DNAH5: variants seen among roughly 807,000 people sequenced by gnomAD.
DNAH5 encodes axonemal beta dynein heavy chain 5.
Under a neutral mutation model 518.2 loss-of-function variants are expected in DNAH5, and 372 were observed. The observed-to-expected ratio is 0.72, with a 90% CI of 0.66 to 0.78. The LOEUF (loss-of-function observed/expected upper bound fraction) is 0.78. Ranked by LOEUF, DNAH5 falls within the 30% of genes least tolerant of loss-of-function variation. The pLI is 0.00. For missense variants in DNAH5, 5,523 were observed against 5,687.0 expected (o/e 0.97, Z 0.93); for synonymous variants, 2,039 against 2,025.9 (o/e 1.01, Z -0.17).
At chr5:13,855,179 CAT>C (rs916309874) in intron 30 of DNAH5, among the ~76,000 whole-genome samples, 3 of 151,548 alleles carry the variant, frequency 2.0e-5, no homozygotes, top group African/African-American at 7.3e-5. Flanking sequence ...AACCACTCCA[CAT>C]AGATTTTCAT....
At chr5:13,909,369 C>CCT (rs1016418570) in intron 12 of DNAH5, among the ~76,000 whole-genome samples, 2 of 150,882 alleles carry the variant, frequency 1.3e-5, no homozygotes, top group Admixed American at 6.6e-5. Flanking sequence ...GAATGTGGCC[C>CCT]CTCTCTCTCT....
rs1743041954 is a variant in DNAH5, at chr5:13,708,190, A to T, written c.13271T>A (p.Met4424Lys). 6.2e-7 allele frequency: 1 copy of T among 1,614,202 alleles called. No homozygotes were observed. Among genetic ancestry groups the T allele is most frequent in the East Asian group, 2.2e-5 (1 of 44,882 alleles). The change falls in exon 76 of 79, where the codon ATG (methionine) becomes AAG (lysine). Residue 4424 changes from methionine (M) to lysine (K), a missense_variant. By Grantham distance (95) the Met-to-Lys change is moderately conservative. This residue lies in a region of DNAH5 where 387 missense variants were observed against 430.0 expected (regional missense o/e 0.90). Transcript: ENST00000265104. Reference sequence around the variant, plus strand: ...CAATGCATCTCGCAGATTTTCGCTCATGATGATGGTGCCATCAATAGCAAG... The same window carrying T: ...CAATGCATCTCGCAGATTTTCGCTCTTGATGATGGTGCCATCAATAGCAAG... ...LKLAIDGTII[M>K]SENLRDALDC...
chr5:13,929,962 C>G (rs1778253464), intron 2 of DNAH5, among the ~76,000 whole-genome samples: 1 of 152,148 alleles, frequency 6.6e-6, no homozygotes, highest in African/African-American at 2.4e-5. Context: ...TATTATCTAC[C>G]TCCTGGTATT....
At chr5:13,792,899 C>T (rs187925722) in intron 49 of DNAH5, among the ~76,000 whole-genome samples, 8 of 152,306 alleles carry the variant, frequency 5.3e-5, no homozygotes, top group Non-Finnish European at 1.0e-4. Context: ...TAAATGTGTT[C>T]AAACCTTTAT....
intron 24 of DNAH5, among the ~76,000 whole-genome samples, chr5:13,869,830 TA>T (rs774257760): frequency 6.6e-6 from 1 of 150,684 alleles, no homozygotes; most frequent in Non-Finnish European, 1.5e-5. Context: ...TTGTTTGTTT[TA>T]AAAAAAAGGC....
chr5:13,999,801 T>C (rs1242352236), intron 1 of DNAH5, among the ~76,000 whole-genome samples: 2 of 152,232 alleles, frequency 1.3e-5, no homozygotes, highest in African/African-American at 4.8e-5. Flanking sequence ...GCATTCTGCA[T>C]TTCTACCAAC....
chr5:13,914,007 A>T, intron 10 of DNAH5, 49 bp from the exon 11 acceptor site: 1 of 1,593,614 alleles, frequency 6.3e-7, no homozygotes, highest in South Asian at 1.1e-5. Flanking sequence ...GAAAGGTATC[A>T]ACTTTATTTT....
chr5:13,810,768 A>AG (rs1491426626), intron 44 of DNAH5, among the ~76,000 whole-genome samples: 1 of 126,828 alleles, frequency 7.9e-6, no homozygotes, highest in African/African-American at 3.1e-5. Flanking sequence ...AACAAAACAA[A>AG]CAAACAAAAA....
chr5:13,723,448 C>A (rs2126542377), intron 70 of DNAH5, among the ~76,000 whole-genome samples: 1 of 152,326 alleles, frequency 6.6e-6, no homozygotes, highest in East Asian at 1.9e-4. Flanking sequence ...CCCAAGATAG[C>A]AAGGGGCTCA....
rs115473896 is a variant in DNAH5, at chr5:13,763,017, C to T, written c.10102-116G>A. The T allele has an allele frequency of 5.7e-3, 4,975 of 867,934 alleles. 50 individuals carry two copies. Among genetic ancestry groups the T allele is most frequent in the South Asian group, 0.023 (1,616 of 70,234 alleles). The allele number at this position is 867,934 out of a possible 1,614,324, so 53.8% of individuals were successfully genotyped here. On this transcript the variant is annotated intron_variant, in intron 59 of 78. Coordinates refer to ENST00000265104, the MANE Select transcript of DNAH5 (RefSeq NM_001369.3). The stretch of plus-strand genomic sequence containing the variant: ...ACGACCACAAATGAATGAAGGGCAT[C>T]ATATTTTGTCACTATTTTAAGATAT...
intron 52 of DNAH5, among the ~76,000 whole-genome samples, chr5:13,785,846 T>C (rs1401099593): frequency 6.6e-6 from 1 of 152,214 alleles, no homozygotes; most frequent in Non-Finnish European, 1.5e-5. Flanking sequence ...GGATATTCTT[T>C]GCATGATACA....
intron 61 of DNAH5, among the ~76,000 whole-genome samples, chr5:13,756,350 A>T (rs1750999176): frequency 6.8e-6 from 1 of 147,642 alleles, no homozygotes; most frequent in Non-Finnish European, 1.5e-5. Flanking sequence ...ATTTTTTTTT[A>T]ATACGGAATT....
chr5:13,841,742 G>C lies in DNAH5; in HGVS notation c.5434C>G (p.Gln1812Glu). ...TCAGTTAGTTGGAAACCTGTTTCTTGAATATTTGCGGCTGCCTGGCGAATC... is the reference window on the plus strand; with the variant it reads ...TCAGTTAGTTGGAAACCTGTTTCTTCAATATTTGCGGCTGCCTGGCGAATC... ...LVIRQAAANI[Q>E]ETGFQLTEFL... is the part of the protein sequence containing the mutation. The change falls in exon 33 of 79, where the codon CAA becomes GAA. Residue 1812 changes from glutamine (Q) to glutamate (E), a missense_variant. Transcript: ENST00000265104. 6.2e-7 allele frequency: 1 copy of C among 1,614,032 alleles called. No individual in the cohort carries two copies. Among genetic ancestry groups the C allele is most frequent in the South Asian group, 1.1e-5 (1 of 91,082 alleles).
chr5:13,761,342 A>C lies in DNAH5; in HGVS notation c.10281+1380T>G, dbSNP rs564110955. Among the ~76,000 whole-genome samples, 44 of 152,264 alleles carry C rather than the reference A, an allele frequency of 2.9e-4. 1 individual carries two copies. The South Asian group carries it at 3.3e-3, about 11-fold the overall frequency. Reference sequence around the variant, plus strand: ...GGCACAGTGGCTCACGCCTGTAATCACAGCACTTTGGGAGGCCGAGGTGGG... The same window carrying C: ...GGCACAGTGGCTCACGCCTGTAATCCCAGCACTTTGGGAGGCCGAGGTGGG... On this transcript the variant is annotated intron_variant, in intron 60 of 78. Coordinates refer to ENST00000265104, the MANE Select transcript of DNAH5 (RefSeq NM_001369.3).
intron 1 of DNAH5, among the ~76,000 whole-genome samples, chr5:13,957,678 T>C (rs557367462): frequency 1.3e-4 from 20 of 152,028 alleles, no homozygotes; most frequent in African/African-American, 3.4e-4. Flanking sequence ...AATATATCCA[T>C]ATAGTAATCC....
chr5:13,789,978 T>C (rs1280519480), intron 50 of DNAH5, among the ~76,000 whole-genome samples: 9 of 152,058 alleles, frequency 5.9e-5, no homozygotes, highest in Admixed American at 1.3e-4. Flanking sequence ...ATTAGAGAAA[T>C]GCAAATCAAA....
rs149569720 is a variant in DNAH5, at chr5:13,931,181, A to G, written c.121T>C (p.Phe41Leu). ...ALLDARHNYL[F>L]AIVASCLDLN... ...TCCAAACAGGAAGCCACAATTGCAA[A>G]TAAGTAGTTATGCCTCGCATCCAAA... Residue 41 changes from phenylalanine to leucine, a missense_variant, in exon 2 of 79, where the codon TTT (phenylalanine) becomes CTT (leucine). Phe to Leu is a conservative substitution (Grantham distance 22, BLOSUM62 0). This residue lies in a region of DNAH5 where 5,121 missense variants were observed against 5,223.3 expected (regional missense o/e 0.98). Coordinates refer to ENST00000265104, the MANE Select transcript of DNAH5 (RefSeq NM_001369.3). 14 of 1,614,134 alleles carry G rather than the reference A, an allele frequency of 8.7e-6. No homozygotes were observed. The highest frequency in any genetic ancestry group is 1.3e-5 in the African/African-American group (1 of 75,054).
intron 17 of DNAH5, among the ~76,000 whole-genome samples, chr5:13,889,983 T>C (rs1480828983): frequency 2.0e-5 from 3 of 152,152 alleles, no homozygotes; most frequent in African/African-American, 4.8e-5. Flanking sequence ...ACTGGGAATA[T>C]TGTAAATGAT....
chr5:13,916,712 T>C (rs1776683223), intron 8 of DNAH5, among the ~76,000 whole-genome samples: 2 of 152,094 alleles, frequency 1.3e-5, no homozygotes. Flanking sequence ...AACTGTTAAC[T>C]ATTATTAAGG....
Sources: allele counts gnomAD v4.1 joint callset (sites outside exome capture counted in the v4.1 genomes callset), GRCh38; gene constraint gnomAD v4.1.1; regional missense constraint gnomAD v4.1.1; transcripts MANE v1.5; gene names NCBI Gene and HGNC (gene_info 2026-07-23, HGNC 2026-07-21).